SRC: variants seen among roughly 807,000 people sequenced by gnomAD.
The protein encoded by SRC is proto-oncogene tyrosine-protein kinase Src.
A neutral mutation model predicts 62.9 loss-of-function variants in SRC; 13 were observed. That is an observed-to-expected ratio of 0.21 (90% confidence interval 0.13 to 0.33). The LOEUF is 0.33. Ranked by LOEUF, SRC falls within the 10% of genes least tolerant of loss-of-function variation. SRC has a pLI of 1.00. For synonymous variants in SRC, 302 were observed against 317.5 expected (o/e 0.95, Z 0.52); for missense variants, 457 against 737.3 (o/e 0.62, Z 4.40).
intron 1 of SRC, among the ~76,000 whole-genome samples, chr20:37,355,008 G>A (rs970150749): frequency 6.6e-5 from 10 of 152,182 alleles, no homozygotes; most frequent in Non-Finnish European, 1.5e-4. Context: ...AGCATCCTGG[G>A]TAGAGGATAC....
At position 37,403,633 on chromosome 20, in the gene SRC, A is replaced by C. The variant is rs575257929; in HGVS notation, c.*254A>C. On this transcript the variant is annotated 3_prime_UTR_variant, in exon 14 of 14. Coordinates refer to ENST00000373578, the MANE Select transcript of SRC (RefSeq NM_198291.3). This position sits in a 1 kb window ranked among gnomAD's most constrained non-coding sequence, Gnocchi z 7.1. ...GCTGTGGCCGCACGCCTCTCCCTGC[A>C]CTCCCTCCTGGAGCTCTGTGGGTCT... is the stretch of plus-strand genomic sequence containing the variant. 186 of 531,220 alleles carry C rather than the reference A, an allele frequency of 3.5e-4. 3 individuals are homozygous for C. The highest frequency in any genetic ancestry group is 3.1e-5 in the Non-Finnish European group (9 of 294,464). 32.9% of individuals were successfully genotyped at this position (531,220 alleles called of 1,614,324 possible).
chr20:37,376,114 C>G (rs954594556), intron 2 of SRC, among the ~76,000 whole-genome samples: 3 of 152,222 alleles, frequency 2.0e-5, no homozygotes, highest in Non-Finnish European at 4.4e-5. Context: ...ATAGTGATAT[C>G]CTTGTCTTTT....
At position 37,396,931 on chromosome 20, in the gene SRC, C is replaced by T. The variant is rs944609378; in HGVS notation, c.703+620C>T. Among the ~76,000 whole-genome samples the T allele has an allele frequency of 2.6e-5, 4 of 152,078 alleles. No homozygotes were observed. Among genetic ancestry groups the T allele is most frequent in the Admixed American group, 1.3e-4 (2 of 15,276 alleles). On this transcript the variant is annotated intron_variant, in intron 8 of 13. Transcript: ENST00000373578. The surrounding 1 kb of genome is among the most constrained non-coding windows in gnomAD (Gnocchi z 6.1). The stretch of plus-strand genomic sequence containing the variant: ...TGGTCCACTCCCCACCCCGAGCCTC[C>T]TCCTCCTCTCAGCTTGGCCTCCTGA...
chr20:37,384,085 A>G lies in SRC; in HGVS notation c.-4-65A>G. The G allele has an allele frequency of 6.4e-7, 1 of 1,569,664 alleles. No individual in the cohort carries two copies. Among genetic ancestry groups the G allele is most frequent in the Non-Finnish European group, 8.6e-7 (1 of 1,164,418 alleles). On this transcript the variant is annotated intron_variant, in intron 3 of 13. Coordinates refer to ENST00000373578, the MANE Select transcript of SRC (RefSeq NM_198291.3). The surrounding 1 kb of genome is among the most constrained non-coding windows in gnomAD (Gnocchi z 6.7). ...TTTCCCTATCTGTGGAATGGGTGGG[A>G]GGGAGGCCGGCCAAGGGGCCCCGGC...
chr20:37,378,399 G>A (rs746748033), intron 2 of SRC, among the ~76,000 whole-genome samples: 8 of 152,002 alleles, frequency 5.3e-5, no homozygotes, highest in Non-Finnish European at 1.2e-4. Flanking sequence ...GTTTGCTACA[G>A]GTCCAGTACC....
Position 37,401,625 on chromosome 20 carries a change from G to A in SRC, c.1063G>A (p.Gly355Arg). 1 of 1,611,080 alleles carries A rather than the reference G, an allele frequency of 6.2e-7. No individual in the cohort carries two copies. Among genetic ancestry groups the A allele is most frequent in the South Asian group, 1.1e-5 (1 of 90,556 alleles). The change falls in exon 11 of 14, where the codon GGG becomes AGG. Residue 355 changes from glycine (G) to arginine (R), a missense_variant. By Grantham distance (125) the Gly-to-Arg change is moderately radical (BLOSUM62 -2). This residue lies in a region of SRC where 168 missense variants were observed against 357.8 expected (regional missense o/e 0.47). Coordinates refer to ENST00000373578, the MANE Select transcript of SRC (RefSeq NM_198291.3). Reference protein sequence around the residue: ...SKGSLLDFLKGETGKYLRLPQ... With the variant: ...SKGSLLDFLKRETGKYLRLPQ... The stretch of plus-strand genomic sequence containing the variant: ...AGGGAGTTTGCTGGACTTTCTCAAG[G>A]GGGAGACAGGCAAGTACCTGCGGCT...
intron 5 of SRC, among the ~76,000 whole-genome samples, chr20:37,393,506 G>A (rs983892757): frequency 3.2e-4 from 49 of 152,238 alleles, no homozygotes; most frequent in African/African-American, 1.1e-3. Context: ...TTACTTGCCC[G>A]CAGAGACAGG....
rs903229846 is a variant in SRC at position 37,398,558 on chromosome 20, A to G, written c.859+704A>G. Among the ~76,000 whole-genome samples, 5 of 152,202 alleles carry G rather than the reference A, an allele frequency of 3.3e-5. No individual in the cohort carries two copies. Among genetic ancestry groups the G allele is most frequent in the African/African-American group, 1.2e-4 (5 of 41,458 alleles). On this transcript the variant is annotated intron_variant, in intron 9 of 13. Transcript: ENST00000373578. The surrounding 1 kb of genome is among the most constrained non-coding windows in gnomAD (Gnocchi z 5.2). ...CCACTGCCTCCACGTTCCGCCCTCC[A>G]GAGGGCTGATGGAGGAGAGCAGAGC... is the stretch of plus-strand genomic sequence containing the variant.
intron 5 of SRC, among the ~76,000 whole-genome samples, chr20:37,392,778 C>T (rs923776903): frequency 6.6e-6 from 1 of 152,106 alleles, no homozygotes; most frequent in African/African-American, 2.4e-5. Flanking sequence ...CTGTGGACCC[C>T]GTCCCTGTCC....
At chr20:37,377,509 C>T (rs6018154) in intron 2 of SRC, among the ~76,000 whole-genome samples, 36,015 of 151,848 alleles carry the variant, frequency 0.24, 5,769 homozygotes, top group African/African-American at 0.46. Context: ...AGCAGTGTGA[C>T]CTGAGCATCT....
At chr20:37,364,382 A>G (rs1388339942) in intron 1 of SRC, among the ~76,000 whole-genome samples, 1 of 152,128 alleles carries the variant, frequency 6.6e-6, no homozygotes, top group Non-Finnish European at 1.5e-5. Flanking sequence ...GGTGCCCGCC[A>G]CCCAGGAGCA....
At chr20:37,348,518 G>C (rs2069755390) in intron 1 of SRC, among the ~76,000 whole-genome samples, 1 of 152,230 alleles carries the variant, frequency 6.6e-6, no homozygotes, top group South Asian at 2.1e-4. Context: ...GGTTAGCAGG[G>C]AGTGGGAGCT....
In SRC at chr20:37,402,324, A is replaced by C; in HGVS notation, c.1117-111A>C. Reference sequence around the variant, plus strand: ...TGAACTGACCTCACTTGCCTGAAGAAGTGTGGGGAGGGTGGGGAAGGGGTG... The same window carrying C: ...TGAACTGACCTCACTTGCCTGAAGACGTGTGGGGAGGGTGGGGAAGGGGTG... On this transcript the variant is annotated intron_variant, in intron 11 of 13. Coordinates refer to ENST00000373578, the MANE Select transcript of SRC (RefSeq NM_198291.3). The surrounding 1 kb of genome is among the most constrained non-coding windows in gnomAD (Gnocchi z 6.2). 6.7e-6 allele frequency: 9 copies of C among 1,345,134 alleles called. No homozygotes were observed. The highest frequency in any genetic ancestry group is 9.2e-6 in the Non-Finnish European group (9 of 979,430). The allele number at this position is 1,345,134 out of a possible 1,614,324, so 83.3% of individuals were successfully genotyped here.
chr20:37,365,590 T>C (rs1234120883), intron 2 of SRC, among the ~76,000 whole-genome samples: 2 of 147,218 alleles, frequency 1.4e-5, no homozygotes, highest in Non-Finnish European at 3.0e-5. Flanking sequence ...TTGCAAAGAA[T>C]TTTTTTTTTT....
rs145199845 is a variant in SRC at position 37,405,471 on chromosome 20, C to T, written c.*2092C>T. On this transcript the variant is annotated 3_prime_UTR_variant, in exon 14 of 14. Coordinates refer to ENST00000373578, the MANE Select transcript of SRC (RefSeq NM_198291.3). ...CTGTGTGCTGGAAAGCGAGATGGGG[C>T]GGAATGCGAGAACAAACTACCCCTT... is the stretch of plus-strand genomic sequence containing the variant. 59 of 186,136 alleles carry T rather than the reference C, an allele frequency of 3.2e-4. 1 individual carries two copies. Among genetic ancestry groups the T allele is most frequent in the African/African-American group, 9.4e-4 (40 of 42,762 alleles). The allele number at this position is 186,136 out of a possible 1,614,324, so 11.5% of individuals were successfully genotyped here.
chr20:37,402,490 G>A lies in SRC; in HGVS notation c.1172G>A (p.Arg391His), dbSNP rs758795351. The change falls in exon 12 of 14, where the codon CGT (arginine) becomes CAT (histidine). Residue 391 changes from arginine to histidine, a missense_variant. This residue lies in a region of SRC where 168 missense variants were observed against 357.8 expected (regional missense o/e 0.47). Transcript: ENST00000373578. The surrounding 1 kb of genome is among the most constrained non-coding windows in gnomAD (Gnocchi z 6.2). ...ATGAACTACGTCCACCGGGACCTTC[G>A]TGCAGCCAACATCCTGGTGGGAGAG... Reference protein sequence around the residue: ...ERMNYVHRDLRAANILVGENL... With the variant: ...ERMNYVHRDLHAANILVGENL... 1.9e-6 allele frequency: 3 copies of A among 1,613,936 alleles called. No individual in the cohort carries two copies. Among genetic ancestry groups the A allele is most frequent in the South Asian group, 1.1e-5 (1 of 91,074 alleles).
intron 5 of SRC, among the ~76,000 whole-genome samples, chr20:37,388,295 G>C (rs1355411569): frequency 6.6e-6 from 1 of 152,224 alleles, no homozygotes; most frequent in African/African-American, 2.4e-5. Context: ...AGGGTGGGCT[G>C]GGGGAGGTTT....
At chr20:37,391,819 A>G (rs1344925954) in intron 5 of SRC, among the ~76,000 whole-genome samples, 1 of 152,114 alleles carries the variant, frequency 6.6e-6, no homozygotes, top group Non-Finnish European at 1.5e-5. Flanking sequence ...GCGCTGTTGC[A>G]CTCCAGCCTG....
At chr20:37,368,131 A>T (rs896593124) in intron 2 of SRC, among the ~76,000 whole-genome samples, 1 of 152,080 alleles carries the variant, frequency 6.6e-6, no homozygotes, top group African/African-American at 2.4e-5. Context: ...AAGAAATCAT[A>T]ATCTGGCCAG....
Sources: allele counts gnomAD v4.1 joint callset (sites outside exome capture counted in the v4.1 genomes callset), GRCh38; gene constraint gnomAD v4.1.1; regional missense constraint gnomAD v4.1.1; non-coding constraint Gnocchi (gnomAD v3.1); transcripts MANE v1.5; gene names NCBI Gene and HGNC (gene_info 2026-07-23, HGNC 2026-07-21).